COPG2: variants seen among roughly 807,000 people sequenced by gnomAD.
The protein encoded by COPG2 is coatomer subunit gamma-2.
Under a neutral mutation model 46.3 loss-of-function variants are expected in COPG2, and 37 were observed. That is an observed-to-expected ratio of 0.80 (90% CI 0.61 to 1.05). The LOEUF (loss-of-function observed/expected upper bound fraction) is 1.05, where lower values mean the gene tolerates loss of function less well. Among genes scored for constraint, COPG2 ranks in the 50% least tolerant of loss-of-function variants. The pLI is 0.00. For synonymous variants in COPG2, 159 were observed against 129.7 expected, an observed-to-expected ratio of 1.23 and a Z score of -1.53; for missense variants, 427 against 387.8, an observed-to-expected ratio of 1.10 and a Z score of -0.85.
At chr7:130,530,383 AAGAAG>A (rs1799812427) in intron 20 of COPG2, among the ~76,000 whole-genome samples, 1 of 152,230 alleles carries the variant, frequency 6.6e-6, no homozygotes, top group African/African-American at 2.4e-5. Context: ...AACAGAAAGA[AAGAAG>A]AGGAGAAAAG....
intron 20 of COPG2, among the ~76,000 whole-genome samples, chr7:130,539,245 A>G (rs1799912688): frequency 6.6e-6 from 1 of 152,122 alleles, no homozygotes; most frequent in Non-Finnish European, 1.5e-5. Context: ...ACCCTATCCA[A>G]GGTAAATGGA....
Position 130,661,386 on chromosome 7 carries a change from A to C in COPG2, c.243+1581T>G, listed in dbSNP as rs989476785. ...GGCAATAGCCTTCCATGACTTATGT[A>C]ACAGCCTCCCTCTGAACCCTACTCC... On this transcript the variant is annotated intron_variant, in intron 4 of 23. Coordinates refer to ENST00000425248, the MANE Select transcript of COPG2 (RefSeq NM_012133.6). 4.5e-4 allele frequency among the ~76,000 whole-genome samples: 69 copies of C among 152,204 alleles called. 1 individual carries two copies. Among genetic ancestry groups the C allele is most frequent in the Non-Finnish European group, 1.2e-4 (8 of 68,028 alleles).
At chr7:130,617,159 T>C in intron 5 of COPG2, 94 bp from the exon 6 acceptor site, 2 of 633,150 alleles carry the variant, frequency 3.2e-6, no homozygotes, top group South Asian at 2.3e-5. Flanking sequence ...ATAATTATCT[T>C]AATGCAGCTA....
At chr7:130,630,515 T>C (rs1404657680) in intron 5 of COPG2, among the ~76,000 whole-genome samples, 4 of 152,234 alleles carry the variant, frequency 2.6e-5, no homozygotes, top group Non-Finnish European at 4.4e-5. Context: ...CTTGTTCAAA[T>C]TGTTTTTCCT....
In COPG2 at chr7:130,534,466, G is replaced by A. The variant is rs975538996; in HGVS notation, c.2149+13208C>T. 6.6e-5 allele frequency among the ~76,000 whole-genome samples: 10 copies of A among 152,040 alleles called. No individual in the cohort carries two copies. The East Asian group carries it at 9.7e-4, about 15-fold the overall frequency. On this transcript the variant is annotated intron_variant, in intron 20 of 23. Transcript: ENST00000425248. Reference sequence around the variant, plus strand: ...AGAAAGATATGGAGGTGCAGCTTTCGAAGCAAAATATCCACAGATGTCATG... The same window carrying A: ...AGAAAGATATGGAGGTGCAGCTTTCAAAGCAAAATATCCACAGATGTCATG...
At chr7:130,615,702 T>C (rs1267290826) in intron 6 of COPG2, among the ~76,000 whole-genome samples, 2 of 152,016 alleles carry the variant, frequency 1.3e-5, no homozygotes, top group African/African-American at 4.8e-5. Context: ...CCTGTAGGAG[T>C]AGTGATGGTG....
chr7:130,660,785 A>G (rs1197264701), intron 4 of COPG2, among the ~76,000 whole-genome samples: 1 of 152,000 alleles, frequency 6.6e-6, no homozygotes, highest in African/African-American at 2.4e-5. Flanking sequence ...ATCCCTTTCT[A>G]ATTTCATTCC....
chr7:130,536,756 G>A (rs1799884120), intron 20 of COPG2, among the ~76,000 whole-genome samples: 1 of 152,208 alleles, frequency 6.6e-6, no homozygotes, highest in Non-Finnish European at 1.5e-5. Context: ...AGCCGAAAAG[G>A]CACCGGGACC....
At chr7:130,543,505 G>A (rs920747785) in intron 20 of COPG2, among the ~76,000 whole-genome samples, 6 of 152,288 alleles carry the variant, frequency 3.9e-5, no homozygotes, top group Non-Finnish European at 7.4e-5. Flanking sequence ...TTTATGAAGC[G>A]GAGTCTGAAG....
At chr7:130,550,754 A>C in intron 16 of COPG2, 105 bp from the exon 17 acceptor site, 1 of 378,782 alleles carries the variant, frequency 2.6e-6, no homozygotes, top group Non-Finnish European at 4.7e-6. Flanking sequence ...AGGAAGAGAA[A>C]AATATAACCA....
In COPG2 at chr7:130,652,306, A is replaced by G. The variant is rs953290733; in HGVS notation, c.323+563T>C. On this transcript the variant is annotated intron_variant, in intron 5 of 23. Coordinates refer to ENST00000425248, the MANE Select transcript of COPG2 (RefSeq NM_012133.6). ...TGTTGCTAAATTACTTTCTAGAAAAATTGAATCAATTTATTACTCTGTCTC... is the reference window on the plus strand; with the variant it reads ...TGTTGCTAAATTACTTTCTAGAAAAGTTGAATCAATTTATTACTCTGTCTC... Among the ~76,000 whole-genome samples, 10 of 152,324 alleles carry G rather than the reference A, an allele frequency of 6.6e-5. No homozygotes were observed. The East Asian group carries it at 1.9e-3, about 29-fold the overall frequency.
intron 9 of COPG2, among the ~76,000 whole-genome samples, chr7:130,587,488 T>C (rs1794299592): frequency 6.6e-6 from 1 of 152,042 alleles, no homozygotes; most frequent in South Asian, 2.1e-4. Context: ...ATTTTAATTG[T>C]ACAATATTCA....
intron 8 of COPG2, among the ~76,000 whole-genome samples, chr7:130,611,682 T>TC (rs1554452106): frequency 1.3e-5 from 2 of 152,116 alleles, no homozygotes; most frequent in Admixed American, 1.3e-4. Flanking sequence ...ATGGGGTACT[T>TC]TACACACAAT....
chr7:130,596,928 C>T (rs1794539300), intron 9 of COPG2, among the ~76,000 whole-genome samples: 1 of 152,156 alleles, frequency 6.6e-6, no homozygotes, highest in South Asian at 2.1e-4. Flanking sequence ...GAGTCTAGGA[C>T]CGTAAAATGC....
At chr7:130,611,138 C>A in intron 8 of COPG2, 28 bp from the exon 9 acceptor site, 5 of 1,592,520 alleles carry the variant, frequency 3.1e-6, no homozygotes, top group Non-Finnish European at 4.3e-6. Context: ...GAAGGTAGCA[C>A]ATGGATTAGA....
chr7:130,580,095 GT>G (rs1794103199), intron 9 of COPG2, among the ~76,000 whole-genome samples: 1 of 151,704 alleles, frequency 6.6e-6, no homozygotes, highest in East Asian at 1.9e-4. Flanking sequence ...ATACTTGGAA[GT>G]AAAGCACTCC....
intron 20 of COPG2, among the ~76,000 whole-genome samples, chr7:130,542,988 G>A (rs1180597890): frequency 6.6e-6 from 1 of 152,120 alleles, no homozygotes; most frequent in Non-Finnish European, 1.5e-5. Context: ...CAAGCGAGTG[G>A]GGTAACAACA....
At chr7:130,656,549 A>T (rs546917978) in intron 4 of COPG2, among the ~76,000 whole-genome samples, 60 of 152,310 alleles carry the variant, frequency 3.9e-4, no homozygotes, top group Non-Finnish European at 5.9e-4. Flanking sequence ...CATTTTTTAA[A>T]TGAAGTTAAT....
intron 21 of COPG2, 38 bp from the exon 22 acceptor site, chr7:130,507,861 T>C: frequency 1.3e-6 from 1 of 775,908 alleles, no homozygotes; most frequent in Non-Finnish European, 2.4e-6. Context: ...AAAAGTCCTT[T>C]CTGTTATAGG....
Sources: gnomAD v4.1 joint callset for allele counts (sites outside exome capture counted in the v4.1 genomes callset) on GRCh38, gnomAD v4.1.1 for gene constraint, MANE v1.5 for transcripts, NCBI Gene and HGNC (gene_info 2026-07-23, HGNC 2026-07-21) for gene names.